Variants in CHST11 observed in about 807,000 individuals in gnomAD.
CHST11 encodes the protein C4S-1.
In CHST11, 9 loss-of-function variants were observed where a neutral mutation model predicts 30.4. The ratio of observed to expected loss-of-function variants is 0.30; its 90% CI spans 0.18 to 0.52. CHST11 has a LOEUF of 0.52. Among genes scored for constraint, CHST11 ranks in the 20% least tolerant of loss-of-function variants. CHST11 has a pLI of 0.97. For missense variants in CHST11, 348 were observed against 460.6 expected (o/e 0.76, Z 2.24); for synonymous variants, 152 against 187.8 (o/e 0.81, Z 1.56).
At chr12:104,514,784 G>T (rs993589653) in intron 1 of CHST11, among the ~76,000 whole-genome samples, 1 of 152,178 alleles carries the variant, frequency 6.6e-6, no homozygotes, top group Non-Finnish European at 1.5e-5. Flanking sequence ...CCCCAGGATG[G>T]CAAGGTCTGC....
intron 2 of CHST11, among the ~76,000 whole-genome samples, chr12:104,712,302 T>G (rs976004810): frequency 1.6e-4 from 24 of 152,088 alleles, no homozygotes; most frequent in Non-Finnish European, 1.0e-4. Context: ...GGAGTGTGCC[T>G]TCAGCATCTC....
intron 1 of CHST11, chr12:104,514,430 C>G (rs553778546): frequency 1.1e-6 from 1 of 913,900 alleles, no homozygotes; most frequent in Non-Finnish European, 1.8e-6. Context: ...TCATCCTCTT[C>G]ACCATGTGAG....
chr12:104,605,801 G>C (rs1346086199), intron 2 of CHST11, among the ~76,000 whole-genome samples: 1 of 152,190 alleles, frequency 6.6e-6, no homozygotes, highest in Non-Finnish European at 1.5e-5. Flanking sequence ...TCAGTTCAGA[G>C]GCACAGGGCA....
At chr12:104,678,955 C>T (rs1410964491) in intron 2 of CHST11, among the ~76,000 whole-genome samples, 1 of 152,032 alleles carries the variant, frequency 6.6e-6, no homozygotes, top group African/African-American at 2.4e-5. Flanking sequence ...TAATTTCTCC[C>T]GCTCTAGCTC....
chr12:104,712,860 G>A (rs1159588420), intron 2 of CHST11, among the ~76,000 whole-genome samples: 1 of 152,060 alleles, frequency 6.6e-6, no homozygotes, highest in Non-Finnish European at 1.5e-5. Flanking sequence ...GTTCTCATAG[G>A]CCCTGACCCT....
chr12:104,714,589 G>A (rs1258819410), intron 2 of CHST11, among the ~76,000 whole-genome samples: 1 of 152,056 alleles, frequency 6.6e-6, no homozygotes, highest in Non-Finnish European at 1.5e-5. Context: ...TGACGGTGAT[G>A]ATGACAAGGA....
intron 1 of CHST11, among the ~76,000 whole-genome samples, chr12:104,590,845 A>G (rs1010043729): frequency 6.6e-6 from 1 of 151,240 alleles, no homozygotes; most frequent in Non-Finnish European, 1.5e-5. Flanking sequence ...TTGCTCGAAC[A>G]TGGGAGGTGG....
At chr12:104,602,761 C>T (rs780913277) in intron 2 of CHST11, among the ~76,000 whole-genome samples, 6 of 152,008 alleles carry the variant, frequency 3.9e-5, no homozygotes, top group African/African-American at 1.2e-4. Flanking sequence ...CTTCGATAGC[C>T]GTAGAGAAAG....
chr12:104,499,953 G>T (rs2037836984), intron 1 of CHST11, among the ~76,000 whole-genome samples: 1 of 152,204 alleles, frequency 6.6e-6, no homozygotes, highest in Admixed American at 6.5e-5. Flanking sequence ...TGGTAAATAA[G>T]ATTCATACAG....
chr12:104,751,124 A>G (rs934363518), intron 2 of CHST11, among the ~76,000 whole-genome samples: 4 of 152,212 alleles, frequency 2.6e-5, no homozygotes, highest in East Asian at 1.9e-4. Context: ...ACTGAATGTA[A>G]AATGATATGC....
At chr12:104,476,185 TTATAA>T (rs1207212688) in intron 1 of CHST11, among the ~76,000 whole-genome samples, 1 of 141,356 alleles carries the variant, frequency 7.1e-6, no homozygotes, top group Non-Finnish European at 1.5e-5. Flanking sequence ...ATTATAAAAA[TTATAA>T]TAAACACATG....
intron 1 of CHST11, among the ~76,000 whole-genome samples, chr12:104,502,877 G>A (rs562103671): frequency 2.0e-4 from 30 of 152,290 alleles, no homozygotes; most frequent in African/African-American, 5.3e-4. Context: ...CCATATCAGC[G>A]CCCCTCAAAT....
At chr12:104,708,085 C>T (rs751073694) in intron 2 of CHST11, among the ~76,000 whole-genome samples, 2 of 152,226 alleles carry the variant, frequency 1.3e-5, no homozygotes, top group Non-Finnish European at 1.5e-5. Context: ...TTCTCCTCCC[C>T]GGGGAGATTG....
chr12:104,574,264 G>GAGTGTAAACTAGTTCAACCATTGTGGA, intron 1 of CHST11, among the ~76,000 whole-genome samples: 1 of 152,164 alleles, frequency 6.6e-6, no homozygotes, highest in Non-Finnish European at 1.5e-5. Context: ...CTGTTGGTGG[G>GAGTGTAAACTAGTTCAACCATTGTGGA]AGTGTAAACT....
At chr12:104,573,917 A>G (rs2038655937) in intron 1 of CHST11, among the ~76,000 whole-genome samples, 1 of 152,252 alleles carries the variant, frequency 6.6e-6, no homozygotes, top group Non-Finnish European at 1.5e-5. Context: ...ATCAGAGTGA[A>G]CAGGCAACCT....
intron 2 of CHST11, among the ~76,000 whole-genome samples, chr12:104,720,165 C>T (rs900296608): frequency 1.3e-5 from 2 of 152,248 alleles, no homozygotes; most frequent in Non-Finnish European, 2.9e-5. Context: ...GAAACACTGC[C>T]CTGCAGGCAG....
chr12:104,459,742 T>A (rs1380964091), intron 1 of CHST11, among the ~76,000 whole-genome samples: 1 of 152,186 alleles, frequency 6.6e-6, no homozygotes. Context: ...CTGAAAAAGA[T>A]CCTCTGTCGA....
chr12:104,662,653 C>T (rs977647798), intron 2 of CHST11, among the ~76,000 whole-genome samples: 3 of 152,088 alleles, frequency 2.0e-5, no homozygotes, highest in Non-Finnish European at 4.4e-5. Context: ...TCCCAGCTCA[C>T]CAAGGTACCA....
chr12:104,712,297 G>A (rs2040094413), intron 2 of CHST11, among the ~76,000 whole-genome samples: 1 of 152,108 alleles, frequency 6.6e-6, no homozygotes, highest in African/African-American at 2.4e-5. Flanking sequence ...AGTTTGGAGT[G>A]TGCCTTCAGC....
Sources: gnomAD v4.1 joint callset for allele counts (sites outside exome capture counted in the v4.1 genomes callset) on GRCh38, gnomAD v4.1.1 for gene constraint, MANE v1.5 for transcripts, NCBI Gene and HGNC (gene_info 2026-07-23, HGNC 2026-07-21) for gene names.